CKAP2L: variants seen among roughly 807,000 people sequenced by gnomAD.
The protein encoded by CKAP2L is cytoskeleton-associated protein 2-like.
In CKAP2L, 42 loss-of-function variants were observed where a neutral mutation model predicts 65.7. The ratio of observed to expected loss-of-function variants is 0.64; its 90% CI spans 0.50 to 0.83. The LOEUF is 0.83. CKAP2L is among the 40% of genes least tolerant of loss of function. The pLI is 0.00. For synonymous variants in CKAP2L, 325 were observed against 313.5 expected (o/e 1.04, Z -0.39); for missense variants, 908 against 871.0 (o/e 1.04, Z -0.53).
At chr2:112,741,533 C>G (rs1679964497) in intron 7 of CKAP2L, among the ~76,000 whole-genome samples, 2 of 152,218 alleles carry the variant, frequency 1.3e-5, no homozygotes, top group South Asian at 4.1e-4. Context: ...TCAGACTGTG[C>G]CAGGCACACT....
chr2:112,758,860 A>C (rs1434912259), intron 3 of CKAP2L, among the ~76,000 whole-genome samples: 2 of 152,274 alleles, frequency 1.3e-5, no homozygotes, highest in African/African-American at 4.8e-5. Context: ...ATCACCCTAG[A>C]AAGAAACTTG....
chr2:112,743,021 T>C, intron 6 of CKAP2L: 1 of 472,114 alleles, frequency 2.1e-6, no homozygotes, highest in Non-Finnish European at 3.7e-6. Context: ...CATAATGTAA[T>C]TTGTCTACAT....
rs746463629 is a variant in CKAP2L, at chr2:112,760,724, G to C, written c.145C>G (p.Pro49Ala). ...KSKNNCQNQPPSKSTIRPKND... is the reference protein window; with the variant it reads ...KSKNNCQNQPASKSTIRPKND... ...TAATTTCTACTTACAGATTTAGAAG[G>C]TGGTTGATTCTGGCAATTATTCTTG... The change falls in exon 3 of 9, where the codon CCT (proline) becomes GCT (alanine). Residue 49 changes from proline (P) to alanine (A), a missense_variant. Coordinates refer to ENST00000302450, the MANE Select transcript of CKAP2L (RefSeq NM_152515.5). 1 of 1,492,662 alleles carries C rather than the reference G, an allele frequency of 6.7e-7. No individual in the cohort carries two copies. Among genetic ancestry groups the C allele is most frequent in the Non-Finnish European group, 9.2e-7 (1 of 1,084,048 alleles). The allele number at this position is 1,492,662 out of a possible 1,614,324, so 92.5% of individuals were successfully genotyped here. A position where few individuals can be genotyped will look rare whatever the true frequency, so the allele number is the denominator to read the frequency against.
intron 6 of CKAP2L, among the ~76,000 whole-genome samples, chr2:112,744,179 G>T (rs997478377): frequency 6.6e-6 from 1 of 152,094 alleles, no homozygotes; most frequent in African/African-American, 2.4e-5. Context: ...TTAAATATAC[G>T]TTTATTTCTA....
intron 3 of CKAP2L, among the ~76,000 whole-genome samples, chr2:112,758,068 C>CA (rs1217494592): frequency 6.6e-6 from 1 of 152,180 alleles, no homozygotes; most frequent in African/African-American, 2.4e-5. Context: ...TATGCTGCCA[C>CA]AGCTCTCAAT....
Position 112,756,474 on chromosome 2 carries a change from G to A in CKAP2L, c.897C>T (p.Asn299=), listed in dbSNP as rs751012449. 3.1e-6 allele frequency: 5 copies of A among 1,610,808 alleles called. No homozygotes were observed. Among genetic ancestry groups the A allele is most frequent in the South Asian group, 1.1e-5 (1 of 90,362 alleles). ...VQSSKKPVVK[N]IKDIKVNRSQ... ...TCCTATTAACCTTTATATCTTTGAT[G>A]TTCTTGACTACTGGTTTCTTTGATG... The change falls in exon 4 of 9, where the codon AAC becomes AAT. Residue 299 remains asparagine, a synonymous_variant. Coordinates refer to ENST00000302450, the MANE Select transcript of CKAP2L (RefSeq NM_152515.5).
At position 112,756,096 on chromosome 2, in the gene CKAP2L, A is replaced by T. The variant is rs757030079; in HGVS notation, c.1275T>A (p.Ala425=). The part of the protein sequence containing the change: ...AQTLDSKLKK[A]VPQNHFLNKT... ...TGTTCAGAAAATGGTTCTGGGGAAC[A>T]GCCTTTTTCAACTTGGAGTCCAAAG... Residue 425 remains alanine, a synonymous_variant, in exon 4 of 9, where the codon GCT becomes GCA. Transcript: ENST00000302450. 1 of 1,614,220 alleles carries T rather than the reference A, an allele frequency of 6.2e-7. No homozygotes were observed. The highest frequency in any genetic ancestry group is 8.5e-7 in the Non-Finnish European group (1 of 1,180,034).
chr2:112,758,793 TTAG>T (rs142541560), intron 3 of CKAP2L, among the ~76,000 whole-genome samples: 3,862 of 152,284 alleles, frequency 0.025, 76 homozygotes, highest in Admixed American at 0.039. Flanking sequence ...TCTGTGGATT[TTAG>T]TATAGCCACA....
At chr2:112,745,120 A>C (rs934551446) in intron 6 of CKAP2L, among the ~76,000 whole-genome samples, 3 of 152,216 alleles carry the variant, frequency 2.0e-5, no homozygotes, top group African/African-American at 7.2e-5. Context: ...GGCAGTAAAA[A>C]GTAACTTGTT....
Position 112,736,774 on chromosome 2 carries a change from C to A in CKAP2L, c.*2049G>T, listed in dbSNP as rs1205126133. 2 of 152,326 alleles carry A rather than the reference C, an allele frequency of 1.3e-5. No individual in the cohort carries two copies. The highest frequency in any genetic ancestry group is 2.1e-4 in the South Asian group (1 of 4,834). 9.4% of individuals were successfully genotyped at this position (152,326 alleles called of 1,614,324 possible). A position where few individuals can be genotyped will look rare whatever the true frequency, so the allele number is the denominator to read the frequency against. Reference sequence around the variant, plus strand: ...TTGTGGCAAATGGCAAGAACTCCCTCTTTTCCAAGGATGAATACTATTCCA... The same window carrying A: ...TTGTGGCAAATGGCAAGAACTCCCTATTTTCCAAGGATGAATACTATTCCA... On this transcript the variant is annotated 3_prime_UTR_variant, in exon 9 of 9. Transcript: ENST00000302450.
At chr2:112,748,845 A>G (rs79779519) in intron 5 of CKAP2L, among the ~76,000 whole-genome samples, 1,536 of 152,080 alleles carry the variant, frequency 0.01, 9 homozygotes, top group Non-Finnish European at 0.014. Flanking sequence ...AATCTAGGCA[A>G]AAGAGTGAAA....
At position 112,738,372 on chromosome 2, in the gene CKAP2L, T is replaced by G. The variant is rs1679529134; in HGVS notation, c.*451A>C. ...TAAACTCATCTGTAAAATGAGGGGTTTTGACTTGGCCATCTGTCAAGGTCC... is the reference window on the plus strand; with the variant it reads ...TAAACTCATCTGTAAAATGAGGGGTGTTGACTTGGCCATCTGTCAAGGTCC... On this transcript the variant is annotated 3_prime_UTR_variant, in exon 9 of 9. Transcript: ENST00000302450. 6.2e-6 allele frequency: 1 copy of G among 162,002 alleles called. No homozygotes were observed. The allele number at this position is 162,002 out of a possible 1,614,324, so 10.0% of individuals were successfully genotyped here.
rs759040662 is a variant in CKAP2L at position 112,738,945 on chromosome 2, C to T, written c.2116G>A (p.Glu706Lys). ...AGAGAAGCCACTACTAAATCGTGTT[C>T]CTGCAGCATTTCTGGGTAGCGGGAC... ...AVSRYPEMLQ[E>K]HDLVVASLDE... Residue 706 changes from glutamate (E) to lysine (K), a missense_variant, in exon 9 of 9, where the codon GAA becomes AAA. Coordinates refer to ENST00000302450, the MANE Select transcript of CKAP2L (RefSeq NM_152515.5). 9.3e-6 allele frequency: 15 copies of T among 1,614,074 alleles called. No individual in the cohort carries two copies. The Middle Eastern group carries it at 4.9e-4, about 53-fold the overall frequency.
chr2:112,750,133 G>C (rs774975767), intron 5 of CKAP2L, among the ~76,000 whole-genome samples: 33 of 152,202 alleles, frequency 2.2e-4, no homozygotes, highest in Non-Finnish European at 4.0e-4. Context: ...ACCAGGGTTT[G>C]TCTCTCCTGC....
At position 112,738,137 on chromosome 2, in the gene CKAP2L, C is replaced by G. The variant is rs189855678; in HGVS notation, c.*686G>C. On this transcript the variant is annotated 3_prime_UTR_variant, in exon 9 of 9. Transcript: ENST00000302450. ...ACTCCCCACCCCTCTCCCCTGCCCC[C>G]CTTTTGTTACTTGAAGTGTTTCTGA... The G allele has an allele frequency of 6.6e-6, 1 of 152,258 alleles. No individual in the cohort carries two copies. Among genetic ancestry groups the G allele is most frequent in the Admixed American group, 6.5e-5 (1 of 15,282 alleles). The allele number at this position is 152,258 out of a possible 1,614,324, so 9.4% of individuals were successfully genotyped here.
At chr2:112,744,914 G>T (rs1313527029) in intron 6 of CKAP2L, among the ~76,000 whole-genome samples, 1 of 151,942 alleles carries the variant, frequency 6.6e-6, no homozygotes, top group Admixed American at 6.6e-5. Flanking sequence ...AAGAATAATA[G>T]AGAACAAAAC....
intron 5 of CKAP2L, among the ~76,000 whole-genome samples, chr2:112,750,677 G>A (rs1046187483): frequency 4.0e-5 from 6 of 151,896 alleles, no homozygotes; most frequent in Non-Finnish European, 5.9e-5. Context: ...TTCTTTCTGT[G>A]GTTTGTTTTT....
intron 5 of CKAP2L, among the ~76,000 whole-genome samples, chr2:112,748,532 A>G (rs923128255): frequency 1.3e-5 from 2 of 152,240 alleles, no homozygotes; most frequent in African/African-American, 4.8e-5. Context: ...CTAGTGAGTA[A>G]ACTTTAGAAT....
In CKAP2L at chr2:112,750,330, T is replaced by A. The variant is rs941412523; in HGVS notation, c.1602+1937A>T. ...TTACCGCGTGCTTTCACAGCCAGCA[T>A]CTGTGCTCCCTCGTATGTGCCCAGA... is the stretch of plus-strand genomic sequence containing the variant. On this transcript the variant is annotated intron_variant, in intron 5 of 8. Transcript: ENST00000302450. Among the ~76,000 whole-genome samples, 2 of 152,018 alleles carry A rather than the reference T, an allele frequency of 1.3e-5. 1 individual carries two copies. The highest frequency in any genetic ancestry group is 1.3e-4 in the Admixed American group (2 of 15,298).
Sources: allele counts gnomAD v4.1 joint callset (sites outside exome capture counted in the v4.1 genomes callset), GRCh38; gene constraint gnomAD v4.1.1; transcripts MANE v1.5; gene names NCBI Gene and HGNC (gene_info 2026-07-23, HGNC 2026-07-21).